SEMA5A: variants seen among roughly 807,000 people sequenced by gnomAD.
The protein encoded by SEMA5A is semaphorin-5A.
In SEMA5A, 55 loss-of-function variants were observed where a neutral mutation model predicts 135.5. The ratio of observed to expected loss-of-function variants is 0.41; its 90% CI spans 0.33 to 0.51. The LOEUF is 0.51. Ranked by LOEUF, SEMA5A falls within the 20% of genes least tolerant of loss-of-function variation. The pLI, the probability that SEMA5A is intolerant of heterozygous loss-of-function variation, is 0.37. For missense variants in SEMA5A, 1,290 were observed against 1,419.9 expected, an observed-to-expected ratio of 0.91 and a Z score of 1.47; for synonymous variants, 580 against 546.5, an observed-to-expected ratio of 1.06 and a Z score of -0.85.
At position 9,438,508 on chromosome 5, in the gene SEMA5A, G is replaced by A. The variant is rs889200990; in HGVS notation, c.-174-656C>T. 2.6e-5 allele frequency among the ~76,000 whole-genome samples: 4 copies of A among 152,148 alleles called. 1 individual carries two copies. Among genetic ancestry groups the A allele is most frequent in the South Asian group, 2.1e-4 (1 of 4,814 alleles). On this transcript the variant is annotated intron_variant, in intron 1 of 22. Coordinates refer to ENST00000382496, the MANE Select transcript of SEMA5A (RefSeq NM_003966.3). ...TGTCATTGGATGGAAAGATGACCACGAAACGCCAGCCTCCCTAGAAACATG... is the reference window on the plus strand; with the variant it reads ...TGTCATTGGATGGAAAGATGACCACAAAACGCCAGCCTCCCTAGAAACATG...
chr5:9,200,271 G>A lies in SEMA5A; in HGVS notation c.932+1684C>T, dbSNP rs568729797. Among the ~76,000 whole-genome samples the A allele has an allele frequency of 4.5e-4, 69 of 152,332 alleles. 1 individual carries two copies. The highest frequency in any genetic ancestry group is 8.2e-4 in the Non-Finnish European group (56 of 68,022). ...TGCAACACTAAACAAATAGTCTAGA[G>A]TAGTCTGAAACTTATTTTTGCAACT... On this transcript the variant is annotated intron_variant, in intron 9 of 22. Coordinates refer to ENST00000382496, the MANE Select transcript of SEMA5A (RefSeq NM_003966.3).
chr5:9,379,793 C>T (rs373392376), intron 3 of SEMA5A, 30 bp downstream of exon 3: 49 of 1,603,620 alleles, frequency 3.1e-5, no homozygotes, highest in Non-Finnish European at 6.0e-6. Flanking sequence ...TAGATGACGG[C>T]TTTGCAATCA....
intron 16 of SEMA5A, among the ~76,000 whole-genome samples, chr5:9,082,357 C>A (rs1296874141): frequency 6.6e-6 from 1 of 152,170 alleles, no homozygotes; most frequent in Non-Finnish European, 1.5e-5. Context: ...TCCTTTAACA[C>A]TGTTGGTAGG....
intron 5 of SEMA5A, among the ~76,000 whole-genome samples, chr5:9,265,731 G>T (rs1026963598): frequency 6.6e-6 from 1 of 152,152 alleles, no homozygotes; most frequent in African/African-American, 2.4e-5. Context: ...TCCACTTAGC[G>T]TCTGTTTAGG....
At chr5:9,470,177 A>G (rs986237903) in intron 1 of SEMA5A, among the ~76,000 whole-genome samples, 1 of 152,048 alleles carries the variant, frequency 6.6e-6, no homozygotes, top group Non-Finnish European at 1.5e-5. Context: ...GGTAATCTCA[A>G]CTCCACAGGC....
At chr5:9,166,370 C>T (rs531738431) in intron 11 of SEMA5A, among the ~76,000 whole-genome samples, 1 of 152,260 alleles carries the variant, frequency 6.6e-6, no homozygotes, top group Non-Finnish European at 1.5e-5. Flanking sequence ...GCGCAGATCC[C>T]TCATATCTCT....
chr5:9,297,935 T>C (rs188697627), intron 5 of SEMA5A, among the ~76,000 whole-genome samples: 4 of 152,202 alleles, frequency 2.6e-5, no homozygotes, highest in Non-Finnish European at 4.4e-5. Flanking sequence ...GAAAACAGCC[T>C]ATATAAACTA....
rs760782476 is a variant in SEMA5A, at chr5:9,167,434, C to T, written c.1274-12739G>A. On this transcript the variant is annotated intron_variant, in intron 11 of 22. Coordinates refer to ENST00000382496, the MANE Select transcript of SEMA5A (RefSeq NM_003966.3). The stretch of plus-strand genomic sequence containing the variant: ...TGTCCATGCACCTGAAATCCTGAAT[C>T]CACTGGCTAGGATGGAATAGTCAAT... Among the ~76,000 whole-genome samples the T allele has an allele frequency of 4.8e-4, 73 of 152,286 alleles. 1 individual carries two copies. Among genetic ancestry groups the T allele is most frequent in the Middle Eastern group, 6.8e-3 (2 of 294 alleles).
In SEMA5A at chr5:9,371,966, G is replaced by A. The variant is rs1755154186; in HGVS notation, c.124+7857C>T. Among the ~76,000 whole-genome samples the A allele has an allele frequency of 2.0e-5, 3 of 152,284 alleles. No homozygotes were observed. The South Asian group carries it at 6.2e-4, about 32-fold the overall frequency. On this transcript the variant is annotated intron_variant, in intron 3 of 22. Transcript: ENST00000382496. ...GTTAAAACTAAGTATTAAAATTAAT[G>A]TCATGCTATCTATTTCTAATTAAAA...
chr5:9,255,576 G>A (rs1266912292), intron 5 of SEMA5A, among the ~76,000 whole-genome samples: 2 of 152,220 alleles, frequency 1.3e-5, no homozygotes, highest in East Asian at 1.9e-4. Context: ...TTCTGCCCAT[G>A]GCTCATCCTG....
At chr5:9,507,153 T>C (rs1006997359) in intron 1 of SEMA5A, among the ~76,000 whole-genome samples, 10 of 152,244 alleles carry the variant, frequency 6.6e-5, no homozygotes, top group Non-Finnish European at 1.2e-4. Context: ...GTTTTCTCAC[T>C]GTAATAAAGA....
chr5:9,241,003 G>C (rs1315141170), intron 5 of SEMA5A, among the ~76,000 whole-genome samples: 3 of 151,940 alleles, frequency 2.0e-5, no homozygotes, highest in African/African-American at 7.2e-5. Flanking sequence ...TCTATTTCAG[G>C]ATAGCCCAGT....
chr5:9,293,874 G>C (rs573869613), intron 5 of SEMA5A, among the ~76,000 whole-genome samples: 1 of 152,158 alleles, frequency 6.6e-6, no homozygotes, highest in Non-Finnish European at 1.5e-5. Flanking sequence ...TAGTAATACT[G>C]TTGGTGGCCA....
Position 9,060,246 on chromosome 5 carries a change from T to C in SEMA5A, c.2518+2641A>G, listed in dbSNP as rs185894339. ...GGGTTATTTCAACATATTAAAGTTA[T>C]GTATACATGGTATTGGCTTGACCAC... On this transcript the variant is annotated intron_variant, in intron 18 of 22. Transcript: ENST00000382496. 2.7e-3 allele frequency among the ~76,000 whole-genome samples: 416 copies of C among 152,348 alleles called. 1 individual carries two copies. The highest frequency in any genetic ancestry group is 5.1e-3 in the Non-Finnish European group (345 of 68,028).
chr5:9,313,022 G>A (rs1488895095), intron 5 of SEMA5A, among the ~76,000 whole-genome samples: 1 of 152,158 alleles, frequency 6.6e-6, no homozygotes, highest in Admixed American at 6.5e-5. Context: ...TGCTCCTACT[G>A]TAGCCAGGAA....
At chr5:9,413,881 G>T (rs1757190960) in intron 2 of SEMA5A, among the ~76,000 whole-genome samples, 1 of 152,152 alleles carries the variant, frequency 6.6e-6, no homozygotes, top group African/African-American at 2.4e-5. Flanking sequence ...CATTTATAAA[G>T]TTTATCGCTG....
At chr5:9,254,963 A>G (rs903300885) in intron 5 of SEMA5A, among the ~76,000 whole-genome samples, 1 of 152,164 alleles carries the variant, frequency 6.6e-6, no homozygotes, top group Non-Finnish European at 1.5e-5. Context: ...ACTAGACAGA[A>G]CAGTATAAGT....
At chr5:9,522,418 A>G (rs1358497214) in intron 1 of SEMA5A, among the ~76,000 whole-genome samples, 2 of 152,092 alleles carry the variant, frequency 1.3e-5, no homozygotes, top group Non-Finnish European at 2.9e-5. Flanking sequence ...CCCTGTCTCT[A>G]CTAAAAATAC....
intron 3 of SEMA5A, among the ~76,000 whole-genome samples, chr5:9,378,236 C>T (rs141362702): frequency 4.0e-5 from 6 of 151,786 alleles, no homozygotes; most frequent in East Asian, 1.9e-4. Flanking sequence ...TGATGGGGGG[C>T]GGGGAACATT....
Sources: gnomAD v4.1 joint callset for allele counts (sites outside exome capture counted in the v4.1 genomes callset) on GRCh38, gnomAD v4.1.1 for gene constraint, MANE v1.5 for transcripts, NCBI Gene and HGNC (gene_info 2026-07-23, HGNC 2026-07-21) for gene names.